TTC19: variants seen among roughly 807,000 people sequenced by gnomAD.
TTC19 encodes the protein tetratricopeptide repeat domain 19.
Under a neutral mutation model 49.5 loss-of-function variants are expected in TTC19, and 38 were observed. The ratio of observed to expected loss-of-function variants is 0.77; its 90% confidence interval spans 0.59 to 1.01. TTC19 has a LOEUF of 1.01. Ranked by LOEUF, TTC19 falls within the 50% of genes least tolerant of loss-of-function variation. TTC19 has a pLI of 0.00. For missense variants in TTC19, 475 were observed against 477.7 expected (o/e 0.99, Z 0.05); for synonymous variants, 204 against 185.2 (o/e 1.10, Z -0.83).
At chr17:16,033,968 T>C (rs534683780), downstream of TTC19, among the ~76,000 whole-genome samples, 21 of 152,288 alleles carry the variant, frequency 1.4e-4, no homozygotes, top group African/African-American at 4.8e-4. Context: ...AATGCTGGGA[T>C]AACAGGCATG....
downstream of TTC19, chr17:16,031,670 A>G (rs1345853262): frequency 4.4e-6 from 1 of 227,054 alleles, no homozygotes; most frequent in Non-Finnish European, 8.8e-6. Flanking sequence ...TTACCTTTTG[A>G]CCCTAATGTA....
At position 16,004,277 on chromosome 17, in the gene TTC19, C is replaced by T; in HGVS notation, c.581+15C>T. The T allele has an allele frequency of 1.2e-6, 2 of 1,612,730 alleles. No individual in the cohort carries two copies. The highest frequency in any genetic ancestry group is 1.7e-6 in the Non-Finnish European group (2 of 1,178,698). On this transcript the variant is annotated intron_variant, in intron 6 of 9. Coordinates refer to ENST00000261647, the MANE Select transcript of TTC19 (RefSeq NM_017775.4). ...GCGCAGAACAGGTAAGTACAGCAGC[C>T]AGGGAGTAGGACTGTGGGCAGGAAA...
chr17:16,003,920 G>A lies in TTC19; in HGVS notation c.519+33G>A, dbSNP rs759281719. Reference sequence around the variant, plus strand: ...CATTGCCTAGTATTGGCCCCTCACTGAAGCAGTTTTCAAAACAGTCTTGTC... The same window carrying A: ...CATTGCCTAGTATTGGCCCCTCACTAAAGCAGTTTTCAAAACAGTCTTGTC... On this transcript the variant is annotated intron_variant, in intron 5 of 9. Transcript: ENST00000261647. The A allele has an allele frequency of 1.9e-6, 3 of 1,608,920 alleles. No homozygotes were observed. The South Asian group carries it at 3.3e-5, about 18-fold the overall frequency.
intron 2 of TTC19, chr17:16,041,082 C>G (rs2057470144): frequency 2.0e-5 from 3 of 152,680 alleles, no homozygotes; most frequent in South Asian, 4.1e-4. Flanking sequence ...AGGAAAGCCA[C>G]CACAGTGAAT....
Position 16,006,517 on chromosome 17 carries a change from C to A in TTC19, c.625C>A (p.Leu209Ile), listed in dbSNP as rs778053871. 9 of 1,613,688 alleles carry A rather than the reference C, an allele frequency of 5.6e-6. No individual in the cohort carries two copies. The highest frequency in any genetic ancestry group is 6.8e-6 in the Non-Finnish European group (8 of 1,179,774). ...VAGYEFCISTLEEKIEREKEL... is the reference protein window; with the variant it reads ...VAGYEFCISTIEEKIEREKEL... ...TGGCTATGAATTCTGCATTTCAACT[C>A]TAGAGGAAAAAATTGAAAGAGAAAA... Residue 209 changes from leucine to isoleucine, a missense_variant, in exon 7 of 10, where the codon CTA becomes ATA. Transcript: ENST00000261647.
At chr17:16,007,935 A>G (rs1172497713) in intron 7 of TTC19, among the ~76,000 whole-genome samples, 1 of 152,196 alleles carries the variant, frequency 6.6e-6, no homozygotes, top group Non-Finnish European at 1.5e-5. Flanking sequence ...TATCAAAGTC[A>G]CCAAATCCAA....
downstream of TTC19, chr17:16,031,980 A>G (rs926762167): frequency 5.9e-6 from 2 of 337,954 alleles, no homozygotes; most frequent in Non-Finnish European, 1.1e-5. Context: ...CAGAAGAGTG[A>G]TTTAAAGACA....
chr17:16,005,869 C>G (rs562706369), intron 6 of TTC19, among the ~76,000 whole-genome samples: 5 of 152,226 alleles, frequency 3.3e-5, no homozygotes, highest in African/African-American at 1.2e-4. Flanking sequence ...AGTTGATTCA[C>G]TGGAGGCCAT....
chr17:16,039,854 G>C (rs534378079), intron 2 of TTC19: 2 of 527,004 alleles, frequency 3.8e-6, no homozygotes, highest in South Asian at 2.0e-5. Context: ...GCAGTGGCGC[G>C]ATCTTGGCTC....
At chr17:16,007,752 C>T (rs147843081) in intron 7 of TTC19, among the ~76,000 whole-genome samples, 1,848 of 152,276 alleles carry the variant, frequency 0.012, 45 homozygotes, top group African/African-American at 0.042. Flanking sequence ...TCATGCCACC[C>T]AGAATGGCAT....
chr17:16,036,678 A>G lies in TTC19; in HGVS notation c.248-7825A>G, dbSNP rs550816003. The stretch of plus-strand genomic sequence containing the variant: ...CTTCAACCTCTGAATGGCCTCTGCT[A>G]GCTTCAGCCTTCTCATCTGTGGCTT... On this transcript the variant is annotated intron_variant, in intron 2 of 2. Transcript: ENST00000470649. 3.3e-5 allele frequency among the ~76,000 whole-genome samples: 5 copies of G among 152,304 alleles called. No homozygotes were observed. In the South Asian group the frequency reaches 1.0e-3, roughly 32 times the overall value.
At chr17:16,006,778 A>G (rs1168927917) in intron 7 of TTC19, among the ~76,000 whole-genome samples, 1 of 151,814 alleles carries the variant, frequency 6.6e-6, no homozygotes, top group Non-Finnish European at 1.5e-5. Flanking sequence ...TTTTTTTTTT[A>G]ACCCCCTTGG....
At chr17:16,003,646 G>C (rs1970808389) in intron 4 of TTC19, among the ~76,000 whole-genome samples, 185 bp from the exon 5 acceptor site, 4 of 151,802 alleles carry the variant, frequency 2.6e-5, no homozygotes, top group Admixed American at 1.3e-4. Flanking sequence ...GGATGTTGAG[G>C]GTCCTGATAT....
intron 7 of TTC19, among the ~76,000 whole-genome samples, chr17:16,016,938 C>T (rs1400919423): frequency 1.3e-5 from 2 of 152,180 alleles, no homozygotes; most frequent in African/African-American, 4.8e-5. Context: ...AGGTGATCCA[C>T]CTGCCTGAGC....
downstream of TTC19, chr17:16,031,265 A>G (rs1198744584): frequency 5.1e-6 from 1 of 196,202 alleles, no homozygotes; most frequent in East Asian, 7.9e-5. Flanking sequence ...GATGCAGCAT[A>G]AAGCTTATCT....
At chr17:16,005,950 T>C (rs1354250103) in intron 6 of TTC19, among the ~76,000 whole-genome samples, 1 of 152,176 alleles carries the variant, frequency 6.6e-6, no homozygotes, top group African/African-American at 2.4e-5. Context: ...TCCTAGCTTT[T>C]TGTGTCCTAA....
intron 7 of TTC19, among the ~76,000 whole-genome samples, chr17:16,019,368 T>C (rs954007528): frequency 6.6e-5 from 10 of 152,200 alleles, no homozygotes; most frequent in Non-Finnish European, 1.3e-4. Flanking sequence ...AGGGCTAATA[T>C]GTTTTTAAAC....
intron 7 of TTC19, chr17:16,024,760 A>T: frequency 4.2e-6 from 2 of 480,592 alleles, no homozygotes; most frequent in Non-Finnish European, 3.8e-6. Flanking sequence ...GTTTATTTTC[A>T]TTTGTTTCTG....
chr17:16,023,038 T>A (rs1235832551), intron 7 of TTC19, among the ~76,000 whole-genome samples: 1 of 152,184 alleles, frequency 6.6e-6, no homozygotes, highest in African/African-American at 2.4e-5. Flanking sequence ...TTAAGTAAAT[T>A]ACTAGCAAAG....
Sources: allele counts gnomAD v4.1 joint callset (sites outside exome capture counted in the v4.1 genomes callset), GRCh38; gene constraint gnomAD v4.1.1; transcripts MANE v1.5; gene names NCBI Gene and HGNC (gene_info 2026-07-23, HGNC 2026-07-21).